CCND3: variants seen among roughly 807,000 people sequenced by gnomAD.
CCND3 encodes the protein cyclin D3.
In CCND3, 9 loss-of-function variants were observed where a neutral mutation model predicts 28.7. The observed-to-expected ratio is 0.31, with a 90% CI of 0.19 to 0.55. The LOEUF (loss-of-function observed/expected upper bound fraction) is 0.55. Among genes scored for constraint, CCND3 ranks in the 20% least tolerant of loss-of-function variants. The pLI is 0.93. For missense variants in CCND3, 315 were observed against 385.8 expected (o/e 0.82, Z 1.54); for synonymous variants, 164 against 163.9 (o/e 1.00, Z 0.00).
chr6:42,028,637 G>T (rs1362364940), intron 1 of CCND3, among the ~76,000 whole-genome samples: 3 of 152,236 alleles, frequency 2.0e-5, no homozygotes, highest in Non-Finnish European at 4.4e-5. Context: ...CATGGGTAAA[G>T]AGCTCAGGCT....
chr6:41,973,882 C>T (rs1015801287), intron 1 of CCND3, among the ~76,000 whole-genome samples: 13 of 152,066 alleles, frequency 8.5e-5, no homozygotes, highest in African/African-American at 2.9e-4. Context: ...CATGTAAAAC[C>T]CTTAAAACAG....
intron 1 of CCND3, among the ~76,000 whole-genome samples, chr6:41,975,681 A>G (rs990973847): frequency 2.2e-4 from 33 of 151,690 alleles, no homozygotes; most frequent in Admixed American, 1.7e-3. Context: ...GGAGTAGTGA[A>G]AATTTCCAGG....
intron 1 of CCND3, among the ~76,000 whole-genome samples, chr6:41,976,796 G>C (rs1762198077): frequency 6.6e-6 from 1 of 152,136 alleles, no homozygotes; most frequent in Non-Finnish European, 1.5e-5. Context: ...CTGGGGGCTA[G>C]ATACCCCCAG....
chr6:42,036,152 C>T (rs995686281), intron 1 of CCND3, among the ~76,000 whole-genome samples: 2 of 150,168 alleles, frequency 1.3e-5, no homozygotes, highest in Non-Finnish European at 2.9e-5. Context: ...GCCATCATGC[C>T]CAGCTAATTC....
At chr6:41,952,415 AC>A (rs1776338355) in intron 1 of CCND3, among the ~76,000 whole-genome samples, 1 of 152,200 alleles carries the variant, frequency 6.6e-6, no homozygotes, top group East Asian at 1.9e-4. Flanking sequence ...CTGCCTTGGA[AC>A]TGGGAGACAA....
intron 1 of CCND3, among the ~76,000 whole-genome samples, chr6:41,955,332 G>A (rs1017253198): frequency 3.3e-5 from 5 of 152,036 alleles, no homozygotes; most frequent in Non-Finnish European, 7.4e-5. Flanking sequence ...CAGCCAATAT[G>A]TAAAAAGGGT....
Position 41,937,296 on chromosome 6 carries a change from G to A in CCND3, c.513C>T (p.Pro171=), listed in dbSNP as rs2127391186. 2 of 1,614,168 alleles carry A rather than the reference G, an allele frequency of 1.2e-6. No homozygotes were observed. Among genetic ancestry groups the A allele is most frequent in the Non-Finnish European group, 1.7e-6 (2 of 1,180,036 alleles). ...TTTTGACCAAGGCCTGTCGGTCACG[G>A]GGCAGAGAGAGCCGGTGCAGAATGA... ...LAFILHRLSL[P]RDRQALVKKH... is the part of the protein sequence containing the mutation. Residue 171 remains proline (P), a synonymous_variant, in exon 3 of 5, where the codon CCC becomes CCT. Transcript: ENST00000372991.
At chr6:41,979,314 A>T (rs1762268447) in intron 1 of CCND3, among the ~76,000 whole-genome samples, 1 of 151,874 alleles carries the variant, frequency 6.6e-6, no homozygotes, top group South Asian at 2.1e-4. Flanking sequence ...CGGGTGGATC[A>T]CGAGGTCAGG....
intron 1 of CCND3, among the ~76,000 whole-genome samples, chr6:41,990,822 A>G (rs1310180157): frequency 6.6e-6 from 1 of 151,896 alleles, no homozygotes; most frequent in African/African-American, 2.4e-5. Flanking sequence ...CTGGGACTAC[A>G]GGCGCCTGAC....
At chr6:41,965,218 CA>C (rs1228481251) in intron 1 of CCND3, among the ~76,000 whole-genome samples, 2 of 151,926 alleles carry the variant, frequency 1.3e-5, no homozygotes, top group Admixed American at 1.3e-4. Context: ...TACAAACACC[CA>C]CCATCACGCC....
At chr6:41,972,895 T>C (rs6915765) in intron 1 of CCND3, among the ~76,000 whole-genome samples, 86 of 149,422 alleles carry the variant, frequency 5.8e-4, no homozygotes, top group African/African-American at 2.0e-3. Flanking sequence ...AAATTAAAAA[T>C]ATATATATAT....
chr6:41,981,064 G>A (rs534476547), intron 1 of CCND3, among the ~76,000 whole-genome samples: 5 of 152,062 alleles, frequency 3.3e-5, no homozygotes, highest in African/African-American at 1.2e-4. Flanking sequence ...GCATAAGATG[G>A]GGAGGGAAGA....
chr6:41,976,304 A>G (rs1762183221), intron 1 of CCND3, among the ~76,000 whole-genome samples: 1 of 151,972 alleles, frequency 6.6e-6, no homozygotes, highest in Non-Finnish European at 1.5e-5. Flanking sequence ...GCGAGCTGAG[A>G]TCTCACCACT....
At chr6:41,942,647 T>G (rs2127396171), upstream of CCND3, among the ~76,000 whole-genome samples, 1 of 152,190 alleles carries the variant, frequency 6.6e-6, no homozygotes, top group East Asian at 1.9e-4. Flanking sequence ...TGAATCAGTT[T>G]CTTGCACAGA....
rs1258047462 is a variant in CCND3, at chr6:41,977,448, C to T, written c.-45-36863G>A. Among the ~76,000 whole-genome samples the T allele has an allele frequency of 3.3e-5, 5 of 152,150 alleles. No individual in the cohort carries two copies. In the East Asian group the frequency reaches 9.6e-4, roughly 29 times the overall value. On this transcript the variant is annotated intron_variant, in intron 1 of 4. Coordinates refer to the CCND3 transcript ENST00000372988. The stretch of plus-strand genomic sequence containing the variant: ...ATGGTGCTATCTCGTCTCACTACAA[C>T]CTCCACCTCCCAGGTTCAGGCGATT...
At chr6:41,963,466 T>A (rs1174725263) in intron 1 of CCND3, among the ~76,000 whole-genome samples, 1 of 152,238 alleles carries the variant, frequency 6.6e-6, no homozygotes, top group Non-Finnish European at 1.5e-5. Flanking sequence ...TTATTGAAGC[T>A]GCCTGAAGAG....
chr6:41,998,926 G>T (rs564355156), intron 1 of CCND3, among the ~76,000 whole-genome samples: 1 of 152,204 alleles, frequency 6.6e-6, no homozygotes, highest in African/African-American at 2.4e-5. Context: ...TGATCCGCCC[G>T]CCTCGGCCTC....
chr6:42,043,872 C>T (rs369466902), intron 1 of CCND3, among the ~76,000 whole-genome samples: 3 of 152,194 alleles, frequency 2.0e-5, no homozygotes, highest in African/African-American at 4.8e-5. Context: ...ACCTCAGGAA[C>T]GACTGTCCTG....
At chr6:42,002,544 C>G (rs1763041330) in intron 1 of CCND3, among the ~76,000 whole-genome samples, 1 of 151,912 alleles carries the variant, frequency 6.6e-6, no homozygotes, top group Admixed American at 6.6e-5. Flanking sequence ...AATATATAGC[C>G]TTAAGTGCAT....
Sources: allele counts gnomAD v4.1 joint callset (sites outside exome capture counted in the v4.1 genomes callset), GRCh38; gene constraint gnomAD v4.1.1; transcripts MANE v1.5; gene names NCBI Gene and HGNC (gene_info 2026-07-23, HGNC 2026-07-21).